The following CAPN5 variants were observed in gnomAD, a reference collection of about 807,000 sequenced individuals.
CAPN5 encodes calpain 5, also known as calpain-5.
In CAPN5, 54 loss-of-function variants were observed where a neutral mutation model predicts 73.0. The observed-to-expected ratio is 0.74, with a 90% CI of 0.59 to 0.93. The LOEUF is 0.93. CAPN5 is among the 40% of genes least tolerant of loss of function. CAPN5 has a pLI of 0.00. For synonymous variants in CAPN5, 335 were observed against 356.9 expected (o/e 0.94, Z 0.69); for missense variants, 785 against 882.9 (o/e 0.89, Z 1.41).
Position 77,120,747 on chromosome 11 carries a change from T to C in CAPN5, c.1325T>C (p.Leu442Pro). Reference sequence around the variant, plus strand: ...AACCGCCAGTACCGCATGCACAGCCTGCAGCACAAGGCCGCCAGCTCCATC... The same window carrying C: ...AACCGCCAGTACCGCATGCACAGCCCGCAGCACAAGGCCGCCAGCTCCATC... ...EENRQYRMHS[L>P]QHKAASSIYI... is the part of the protein sequence containing the mutation. The change falls in exon 10 of 13, where the codon CTG becomes CCG. Residue 442 changes from leucine (L) to proline (P), a missense_variant. Physicochemically the swap from Leu to Pro is moderately conservative, Grantham distance 98. Transcript: ENST00000648180. 6.2e-7 allele frequency: 1 copy of C among 1,613,502 alleles called. No homozygotes were observed.
intron 10 of CAPN5, 36 bp downstream of exon 10, chr11:77,120,945 G>T: frequency 6.3e-7 from 1 of 1,584,362 alleles, no homozygotes; most frequent in Non-Finnish European, 8.6e-7. Context: ...GTGTGGGTGG[G>T]AGTGACATTC....
intron 2 of CAPN5, among the ~76,000 whole-genome samples, chr11:77,085,682 AGT>A (rs1950078250): frequency 6.7e-6 from 1 of 148,608 alleles, no homozygotes; most frequent in South Asian, 2.3e-4. Context: ...CTGAGGCTAG[AGT>A]GTGTTACACA....
At chr11:77,095,372 G>T (rs1950197151) in intron 3 of CAPN5, among the ~76,000 whole-genome samples, 1 of 152,116 alleles carries the variant, frequency 6.6e-6, no homozygotes, top group South Asian at 2.1e-4. Context: ...GGGCTGAAGG[G>T]GCACATGGGC....
intron 3 of CAPN5, among the ~76,000 whole-genome samples, chr11:77,098,193 A>G (rs1591128561): frequency 1.9e-5 from 1 of 51,704 alleles, no homozygotes; most frequent in South Asian, 1.1e-3. Flanking sequence ...GGCGTCCCTC[A>G]CCTCCCGGAC....
chr11:77,112,561 C>G, intron 3 of CAPN5, 28 bp from the exon 4 acceptor site: 1 of 1,581,094 alleles, frequency 6.3e-7, no homozygotes, highest in South Asian at 1.1e-5. Flanking sequence ...CTGTGTTCCC[C>G]CATCCTATCC....
intron 1 of CAPN5, among the ~76,000 whole-genome samples, chr11:77,076,491 TTGAC>T (rs1283905695): frequency 1.3e-5 from 2 of 152,212 alleles, no homozygotes; most frequent in Non-Finnish European, 2.9e-5. Context: ...TTTGTGTCCT[TTGAC>T]TGACATCTCT....
At chr11:77,086,104 G>T (rs1476609766) in intron 2 of CAPN5, among the ~76,000 whole-genome samples, 2 of 152,208 alleles carry the variant, frequency 1.3e-5, no homozygotes, top group African/African-American at 4.8e-5. Context: ...AGCCATGCCT[G>T]GGGTGGCAGA....
At chr11:77,086,331 CTGGGACTCTTGAG>C (rs1211158472) in intron 2 of CAPN5, among the ~76,000 whole-genome samples, 1 of 152,176 alleles carries the variant, frequency 6.6e-6, no homozygotes, top group Non-Finnish European at 1.5e-5. Flanking sequence ...TGTCCTTGGA[CTGGGACTCTTGAG>C]TGGCAGAGAA....
Position 77,088,042 on chromosome 11 carries a change from C to T in CAPN5, c.165+2991C>T, listed in dbSNP as rs985235514. 9.1e-6 allele frequency: 14 copies of T among 1,535,226 alleles called. No homozygotes were observed. In the African/African-American group the frequency reaches 1.2e-4, roughly 14 times the overall value. ...GGGAGCTCAGGGTGTCCGTCCTCCT[C>T]GCTCAGGGCCCGGGACCTGGTAGGC... On this transcript the variant is annotated intron_variant, in intron 2 of 12. Coordinates refer to ENST00000648180, the MANE Select transcript of CAPN5 (RefSeq NM_004055.5).
rs1314675600 is a variant in CAPN5 at position 77,122,822 on chromosome 11, G to C, written c.1740+110G>C. ...CTCTGACGAGGACCCAGGCATGCTGGGCTCTAGCTGTCTGTCTATCCCTGA... is the reference window on the plus strand; with the variant it reads ...CTCTGACGAGGACCCAGGCATGCTGCGCTCTAGCTGTCTGTCTATCCCTGA... On this transcript the variant is annotated intron_variant, in intron 12 of 12. Coordinates refer to ENST00000648180, the MANE Select transcript of CAPN5 (RefSeq NM_004055.5). 4 of 1,393,164 alleles carry C rather than the reference G, an allele frequency of 2.9e-6. No homozygotes were observed. The African/African-American group carries it at 5.7e-5, about 20-fold the overall frequency. 86.3% of individuals were successfully genotyped at this position (1,393,164 alleles called of 1,614,324 possible).
At position 77,118,303 on chromosome 11, in the gene CAPN5, G is replaced by A. The variant is rs782751635; in HGVS notation, c.1118G>A (p.Arg373His). ...CTGCATGAGGACCCGCGACAGAACC[G>A]CGGTGGCGGCTGCATCAACCACAAG... ...WTLHEDPRQN[R>H]GGGCINHKDT... is the part of the protein sequence containing the mutation. Residue 373 changes from arginine to histidine, a missense_variant, in exon 8 of 13, where the codon CGC becomes CAC. Transcript: ENST00000648180. The A allele has an allele frequency of 9.3e-6, 15 of 1,611,136 alleles. No individual in the cohort carries two copies. Among genetic ancestry groups the A allele is most frequent in the East Asian group, 6.7e-5 (3 of 44,778 alleles).
chr11:77,100,150 T>C (rs1555038587), intron 3 of CAPN5, among the ~76,000 whole-genome samples: 1 of 152,210 alleles, frequency 6.6e-6, no homozygotes. Flanking sequence ...TTTTGTTTTT[T>C]TATATGCATT....
At chr11:77,077,907 GATC>G (rs1949989757) in intron 1 of CAPN5, among the ~76,000 whole-genome samples, 1 of 152,112 alleles carries the variant, frequency 6.6e-6, no homozygotes, top group African/African-American at 2.4e-5. Context: ...TTTAAAATCA[GATC>G]ATTAGGGTTT....
Position 77,093,823 on chromosome 11 carries a change from C to G in CAPN5, c.297+10C>G. On this transcript the variant is annotated intron_variant, in intron 3 of 12. Coordinates refer to ENST00000648180, the MANE Select transcript of CAPN5 (RefSeq NM_004055.5). ...GTCGCTGTGGCAAAAGGTGAGGCCT[C>G]GGGCAGAGTGGGCAGGGTGCTGGGG... 6.2e-7 allele frequency: 1 copy of G among 1,608,116 alleles called. No homozygotes were observed. Among genetic ancestry groups the G allele is most frequent in the Non-Finnish European group, 8.5e-7 (1 of 1,179,912 alleles).
At chr11:77,073,185 A>G in intron 1 of CAPN5, 1 of 1,091,514 alleles carries the variant, frequency 9.2e-7, no homozygotes. Context: ...GGTTTCCTGG[A>G]TGTGGTTCTT....
intron 2 of CAPN5, among the ~76,000 whole-genome samples, chr11:77,090,001 T>A (rs536805160): frequency 2.0e-5 from 3 of 152,192 alleles, no homozygotes; most frequent in East Asian, 3.8e-4. Flanking sequence ...GACTTAACCT[T>A]TCTGTGCCTT....
intron 1 of CAPN5, among the ~76,000 whole-genome samples, chr11:77,077,069 G>A (rs1408400487): frequency 6.6e-6 from 1 of 152,162 alleles, no homozygotes; most frequent in Non-Finnish European, 1.5e-5. Flanking sequence ...TTTGTAAAAA[G>A]ATTTAAGTCA....
At position 77,114,280 on chromosome 11, in the gene CAPN5, C is replaced by A; in HGVS notation, c.545C>A (p.Thr182Lys). ...GCYQALDGGN[T>K]ADALVDFTGG... ...TACCAGGCCCTGGATGGAGGCAACA[C>A]AGCAGACGCACTGGTGGACTTCACG... The change falls in exon 5 of 13, where the codon ACA becomes AAA. Residue 182 changes from threonine (T) to lysine (K), a missense_variant. Coordinates refer to ENST00000648180, the MANE Select transcript of CAPN5 (RefSeq NM_004055.5). The A allele has an allele frequency of 6.2e-7, 1 of 1,614,184 alleles. No homozygotes were observed. The highest frequency in any genetic ancestry group is 1.1e-5 in the South Asian group (1 of 91,082).
chr11:77,116,145 C>A, intron 6 of CAPN5, 81 bp from the exon 7 acceptor site: 2 of 1,343,214 alleles, frequency 1.5e-6, no homozygotes, highest in Non-Finnish European at 2.1e-6. Flanking sequence ...CCCCTCGTGC[C>A]TCCTCGCCTT....
Sources: allele counts gnomAD v4.1 joint callset (sites outside exome capture counted in the v4.1 genomes callset), GRCh38; gene constraint gnomAD v4.1.1; transcripts MANE v1.5; gene names NCBI Gene and HGNC (gene_info 2026-07-23, HGNC 2026-07-21).